The following PLEKHG2 variants were observed in gnomAD, a reference collection of about 807,000 sequenced individuals.
PLEKHG2 encodes the protein pleckstrin homology and RhoGEF domain containing G2.
A neutral mutation model predicts 104.4 loss-of-function variants in PLEKHG2; 71 were observed. The observed-to-expected ratio is 0.68, with a 90% confidence interval of 0.56 to 0.83. The LOEUF is 0.83. Among genes scored for constraint, PLEKHG2 ranks in the 40% least tolerant of loss-of-function variants. The pLI is 0.00. For missense variants in PLEKHG2, 1,730 were observed against 1,809.4 expected (o/e 0.96, Z 0.80); for synonymous variants, 728 against 737.0 (o/e 0.99, Z 0.20).
chr19:39,418,966 T>C lies in PLEKHG2; in HGVS notation c.1226T>C (p.Leu409Pro). 1 of 1,613,208 alleles carries C rather than the reference T, an allele frequency of 6.2e-7. No individual in the cohort carries two copies. Reference protein sequence around the residue: ...KRLWIHCLQRLFFENHPASIP... With the variant: ...KRLWIHCLQRPFFENHPASIP... ...CTGTGGATTCACTGTCTCCAGCGCC[T>C]CTTCTTTGAGAACCACCCTGCCTCC... Residue 409 changes from leucine (L) to proline (P), a missense_variant, in exon 11 of 19, where the codon CTC becomes CCC. Physicochemically the swap from Leu to Pro is moderately conservative, Grantham distance 98. Transcript: ENST00000425673.
At position 39,413,806 on chromosome 19, in the gene PLEKHG2, G is replaced by T. The variant is rs890178459; in HGVS notation, c.-22-259G>T. ...ACGTTCCCAGGATCCCTAAGCCTCC[G>T]GCCCCAGACAAACGGGACTCGCAGC... is the stretch of plus-strand genomic sequence containing the variant. On this transcript the variant is annotated intron_variant, in intron 1 of 18. Coordinates refer to ENST00000425673, the MANE Select transcript of PLEKHG2 (RefSeq NM_022835.3). This position sits in a 1 kb window ranked among gnomAD's most constrained non-coding sequence, Gnocchi z 4.5. The T allele has an allele frequency of 4.3e-6, 1 of 230,546 alleles. No individual in the cohort carries two copies. The highest frequency in any genetic ancestry group is 8.8e-6 in the Non-Finnish European group (1 of 113,812). 14.3% of individuals were successfully genotyped at this position (230,546 alleles called of 1,614,324 possible).
chr19:39,423,304 C>T lies in PLEKHG2; in HGVS notation c.2250C>T (p.Thr750=). ...CAGACTTCCAGCCCCAGGATGTCACCCAACATCAGGGATTCCCAGATGAGC... is the reference window on the plus strand; with the variant it reads ...CAGACTTCCAGCCCCAGGATGTCACTCAACATCAGGGATTCCCAGATGAGC... ...SFTDFQPQDV[T]QHQGFPDELA... is the part of the protein sequence containing the mutation. Residue 750 remains threonine, a synonymous_variant, in exon 18 of 19, where the codon ACC becomes ACT. Transcript: ENST00000425673. 6.2e-7 allele frequency: 1 copy of T among 1,614,058 alleles called. No individual in the cohort carries two copies. The highest frequency in any genetic ancestry group is 8.5e-7 in the Non-Finnish European group (1 of 1,179,896).
rs376161500 is a variant in PLEKHG2 at position 39,424,284 on chromosome 19, A to G, written c.3151A>G (p.Thr1051Ala). 2.5e-6 allele frequency: 4 copies of G among 1,614,046 alleles called. No individual in the cohort carries two copies. Among genetic ancestry groups the G allele is most frequent in the African/African-American group, 1.3e-5 (1 of 74,976 alleles). ...AGGTCACCTAGACAGCGAGAGCCCA[A>G]CCAATATCCCACTGACAAAGCAAGG... The part of the protein sequence containing the change: ...QEGHLDSESP[T>A]NIPLTKQGGS... The change falls in exon 19 of 19, where the codon ACC (threonine) becomes GCC (alanine). Residue 1051 changes from threonine to alanine, a missense_variant. By Grantham distance (58) the Thr-to-Ala change is moderately conservative. Coordinates refer to ENST00000425673, the MANE Select transcript of PLEKHG2 (RefSeq NM_022835.3).
rs1408242004 is a variant in PLEKHG2 at position 39,425,735 on chromosome 19, A to G, written c.*441A>G. ...AGAAGCTTTGCTTCAAGTAGACACTAGAAATCCATTCCCTTGGCAATTTAT... is the reference window on the plus strand; with the variant it reads ...AGAAGCTTTGCTTCAAGTAGACACTGGAAATCCATTCCCTTGGCAATTTAT... On this transcript the variant is annotated 3_prime_UTR_variant, in exon 19 of 19. Coordinates refer to ENST00000425673, the MANE Select transcript of PLEKHG2 (RefSeq NM_022835.3). The G allele has an allele frequency of 4.3e-6, 1 of 234,714 alleles. No individual in the cohort carries two copies. The highest frequency in any genetic ancestry group is 8.1e-6 in the Non-Finnish European group (1 of 122,734). The allele number at this position is 234,714 out of a possible 1,614,324, so 14.5% of individuals were successfully genotyped here.
In PLEKHG2 at chr19:39,425,312, C is replaced by T. The variant is rs1171804188; in HGVS notation, c.*18C>T. 1.0e-5 allele frequency: 16 copies of T among 1,590,734 alleles called. No individual in the cohort carries two copies. Among genetic ancestry groups the T allele is most frequent in the East Asian group, 4.5e-5 (2 of 44,670 alleles). ...ACATGTGAGCCAGGACATGAGGCTT[C>T]CCTGAAGCAAGGATTTCAGCCAGAT... On this transcript the variant is annotated 3_prime_UTR_variant, in exon 19 of 19. Transcript: ENST00000425673.
chr19:39,415,164 C>T lies in PLEKHG2; in HGVS notation c.282C>T (p.Ile94=). Residue 94 remains isoleucine (I), a synonymous_variant, in exon 3 of 19, where the codon ATC becomes ATT. Coordinates refer to ENST00000425673, the MANE Select transcript of PLEKHG2 (RefSeq NM_022835.3). This position sits in a 1 kb window ranked among gnomAD's most constrained non-coding sequence, Gnocchi z 4.6. ...PIRLHLSPVG[I]PGSARPSRLE... ...GCCTACATCTCTCTCCGGTGGGGAT[C>T]CCAGGTTCAGCCAGACCCTCAAGGC... 2 of 1,597,846 alleles carry T rather than the reference C, an allele frequency of 1.3e-6. No homozygotes were observed. The highest frequency in any genetic ancestry group is 1.1e-5 in the South Asian group (1 of 88,790).
In PLEKHG2 at chr19:39,416,888, C is replaced by T. The variant is rs1012925913; in HGVS notation, c.632C>T (p.Pro211Leu). The change falls in exon 7 of 19, where the codon CCA becomes CTA. Residue 211 changes from proline (P) to leucine (L), a missense_variant. Pro to Leu is a moderately conservative substitution (Grantham distance 98). Coordinates refer to ENST00000425673, the MANE Select transcript of PLEKHG2 (RefSeq NM_022835.3). The surrounding 1 kb of genome is among the most constrained non-coding windows in gnomAD (Gnocchi z 4.5). ...ALLRELSLSP[P>L]AALWLQERQA... ...CTCCGGGAGCTGTCGTTGTCTCCGC[C>T]AGCAGCCCTGTGGCTGCAGGAGCGC... 1 of 1,612,402 alleles carries T rather than the reference C, an allele frequency of 6.2e-7. No individual in the cohort carries two copies. The highest frequency in any genetic ancestry group is 8.5e-7 in the Non-Finnish European group (1 of 1,179,558).
rs759002012 is a variant in PLEKHG2 at position 39,420,809 on chromosome 19, A to G, written c.1356A>G (p.Arg452=). 6.8e-6 allele frequency: 11 copies of G among 1,613,928 alleles called. No homozygotes were observed. Among genetic ancestry groups the G allele is most frequent in the Non-Finnish European group, 9.3e-6 (11 of 1,180,004 alleles). ...TGACACCCCCACTTGGGTCTCCTCGACCTCGAGATGCTAGAAGTTTTACCC... is the reference window on the plus strand; with the variant it reads ...TGACACCCCCACTTGGGTCTCCTCGGCCTCGAGATGCTAGAAGTTTTACCC... ...EPLTPPLGSP[R]PRDARSFTPG... Residue 452 remains arginine, a synonymous_variant, in exon 13 of 19, where the codon CGA becomes CGG. Coordinates refer to ENST00000425673, the MANE Select transcript of PLEKHG2 (RefSeq NM_022835.3).
intron 11 of PLEKHG2, among the ~76,000 whole-genome samples, chr19:39,419,355 G>A (rs1047988814): frequency 7.2e-5 from 11 of 152,146 alleles, no homozygotes; most frequent in South Asian, 6.2e-4. Context: ...CCAGCACTTC[G>A]AGGGGGTGAT....
In PLEKHG2 at chr19:39,424,883, G is replaced by A. The variant is rs770276916; in HGVS notation, c.3750G>A (p.Arg1250=). The stretch of plus-strand genomic sequence containing the variant: ...GCTCCTTAGCCTCTCACGTTGCCAG[G>A]TTGGAGTCTTCAGACTTGACGCCAC... ...PGGSLASHVA[R]LESSDLTPPH... The change falls in exon 19 of 19, where the codon AGG becomes AGA. Residue 1250 remains arginine (R), a synonymous_variant. Coordinates refer to ENST00000425673, the MANE Select transcript of PLEKHG2 (RefSeq NM_022835.3). The A allele has an allele frequency of 9.3e-6, 15 of 1,614,078 alleles. No individual in the cohort carries two copies. The highest frequency in any genetic ancestry group is 6.7e-5 in the African/African-American group (5 of 74,920).
Position 39,424,165 on chromosome 19 carries a change from G to A in PLEKHG2, c.3032G>A (p.Cys1011Tyr). Residue 1011 changes from cysteine (C) to tyrosine (Y), a missense_variant, in exon 19 of 19, where the codon TGT becomes TAT. By Grantham distance (194) the Cys-to-Tyr change is radical. Coordinates refer to ENST00000425673, the MANE Select transcript of PLEKHG2 (RefSeq NM_022835.3). ...STAFCPEQGH[C>Y]ADIHVPTTPA... ...GCCTTTTGTCCTGAGCAGGGACACTGTGCGGACATCCACGTTCCCACCACT... is the reference window on the plus strand; with the variant it reads ...GCCTTTTGTCCTGAGCAGGGACACTATGCGGACATCCACGTTCCCACCACT... 1 of 1,614,090 alleles carries A rather than the reference G, an allele frequency of 6.2e-7. No individual in the cohort carries two copies. The highest frequency in any genetic ancestry group is 8.5e-7 in the Non-Finnish European group (1 of 1,180,012).
In PLEKHG2 at chr19:39,420,667, G is replaced by T. The variant is rs775930662; in HGVS notation, c.1297+8G>T. On this transcript the variant is annotated splice_region_variant and intron_variant, in intron 12 of 18. Coordinates refer to ENST00000425673, the MANE Select transcript of PLEKHG2 (RefSeq NM_022835.3). ...TTGAAAACAGCCTGCATTGTGAGTT[G>T]GGGCCTTGGGCTGGGAGGGTGTGGA... 13 of 1,613,992 alleles carry T rather than the reference G, an allele frequency of 8.1e-6. No individual in the cohort carries two copies. The African/African-American group carries it at 1.6e-4, about 20-fold the overall frequency.
At chr19:39,419,339 A>G (rs1435376826) in intron 11 of PLEKHG2, among the ~76,000 whole-genome samples, 3 of 152,040 alleles carry the variant, frequency 2.0e-5, no homozygotes, top group Non-Finnish European at 4.4e-5. Context: ...GCTCATGCCT[A>G]TAATCCCAGC....
Position 39,425,413 on chromosome 19 carries a change from T to C in PLEKHG2, c.*119T>C. 1 of 1,431,268 alleles carries C rather than the reference T, an allele frequency of 7.0e-7. No individual in the cohort carries two copies. 88.7% of individuals were successfully genotyped at this position (1,431,268 alleles called of 1,614,324 possible). Reference sequence around the variant, plus strand: ...CTCAAAACTGCTGCGGCCTTCCAACTCCTGGTATCTGCATCGGCGAATGGC... The same window carrying C: ...CTCAAAACTGCTGCGGCCTTCCAACCCCTGGTATCTGCATCGGCGAATGGC... On this transcript the variant is annotated 3_prime_UTR_variant, in exon 19 of 19. Transcript: ENST00000425673.
chr19:39,418,443 G>A lies in PLEKHG2; in HGVS notation c.1084-291G>A, dbSNP rs371883548. On this transcript the variant is annotated intron_variant, in intron 9 of 18. Coordinates refer to ENST00000425673, the MANE Select transcript of PLEKHG2 (RefSeq NM_022835.3). ...AAAATACAAAAATTAGCTGGACGTG[G>A]TGGCAAGTGCCTGTAATCCCAGCTA... Among the ~76,000 whole-genome samples the A allele has an allele frequency of 4.4e-4, 67 of 152,230 alleles. 2 individuals carry two copies. In the South Asian group the frequency reaches 0.013, roughly 30 times the overall value.
chr19:39,426,831 A>G lies in PLEKHG2; in HGVS notation c.*1537A>G, dbSNP rs2078786838. 6.8e-6 allele frequency: 1 copy of G among 147,510 alleles called. No individual in the cohort carries two copies. Among genetic ancestry groups the G allele is most frequent in the African/African-American group, 2.6e-5 (1 of 39,208 alleles). The allele number at this position is 147,510 out of a possible 1,614,324, so 9.1% of individuals were successfully genotyped here. A position where few individuals can be genotyped will look rare whatever the true frequency, so the allele number is the denominator to read the frequency against. ...GAATCAGGATCCCCAGGGAAGGAGGAGCTTGGGAATCTGATTTTTTTTTTT... is the reference window on the plus strand; with the variant it reads ...GAATCAGGATCCCCAGGGAAGGAGGGGCTTGGGAATCTGATTTTTTTTTTT... On this transcript the variant is annotated 3_prime_UTR_variant, in exon 19 of 19. Coordinates refer to ENST00000425673, the MANE Select transcript of PLEKHG2 (RefSeq NM_022835.3).
chr19:39,420,014 T>C (rs970485753), intron 11 of PLEKHG2, among the ~76,000 whole-genome samples: 1 of 151,970 alleles, frequency 6.6e-6, no homozygotes, highest in African/African-American at 2.4e-5. Flanking sequence ...GATCATGCCA[T>C]TGCACTCCAG....
intron 13 of PLEKHG2, 27 bp from the exon 14 acceptor site, chr19:39,420,922 A>C (rs777526013): frequency 6.2e-7 from 1 of 1,614,004 alleles, no homozygotes; most frequent in African/African-American, 1.3e-5. Context: ...CTGGGCTCAC[A>C]CAGGGCTCTG....
Position 39,413,881 on chromosome 19 carries a change from T to G in PLEKHG2, c.-22-184T>G. On this transcript the variant is annotated intron_variant, in intron 1 of 18. Coordinates refer to ENST00000425673, the MANE Select transcript of PLEKHG2 (RefSeq NM_022835.3). This position sits in a 1 kb window ranked among gnomAD's most constrained non-coding sequence, Gnocchi z 4.5. ...TCTTCTTTGTCTCAGCCTTTCCATCTTTTTCGCCAGGTTCTCTCTCCTTGT... is the reference window on the plus strand; with the variant it reads ...TCTTCTTTGTCTCAGCCTTTCCATCGTTTTCGCCAGGTTCTCTCTCCTTGT... 1 of 473,926 alleles carries G rather than the reference T, an allele frequency of 2.1e-6. No individual in the cohort carries two copies. Among genetic ancestry groups the G allele is most frequent in the South Asian group, 2.5e-5 (1 of 40,362 alleles). 29.4% of individuals were successfully genotyped at this position (473,926 alleles called of 1,614,324 possible). A position where few individuals can be genotyped will look rare whatever the true frequency, so the allele number is the denominator to read the frequency against.
Sources: gnomAD v4.1 joint callset for allele counts (sites outside exome capture counted in the v4.1 genomes callset) on GRCh38, gnomAD v4.1.1 for gene constraint, Gnocchi (gnomAD v3.1) non-coding constraint, MANE v1.5 for transcripts, NCBI Gene and HGNC (gene_info 2026-07-23, HGNC 2026-07-21) for gene names.